The following AFF1 variants were observed in gnomAD, a reference collection of about 807,000 sequenced individuals.
AFF1 encodes the protein AF4/FMR2 family member 1.
AFF1 carries 48 observed loss-of-function variants against 121.7 expected under a neutral mutation model. The ratio of observed to expected loss-of-function variants is 0.39; its 90% confidence interval spans 0.31 to 0.50. AFF1 has a LOEUF of 0.50. AFF1 is among the 20% of genes least tolerant of loss of function. The pLI is 0.76. For synonymous variants in AFF1, 613 were observed against 563.0 expected (o/e 1.09, Z -1.26); for missense variants, 1,523 against 1,511.7 (o/e 1.01, Z -0.12).
intron 8 of AFF1, among the ~76,000 whole-genome samples, chr4:87,099,073 T>C (rs1162710613): frequency 6.6e-6 from 1 of 152,238 alleles, no homozygotes; most frequent in Admixed American, 6.5e-5. Context: ...GCTTTACTTG[T>C]AGCATATTTA....
rs4693157 is a variant in AFF1, at chr4:87,103,192, C to T, written c.1284-2436C>T. Among the ~76,000 whole-genome samples the T allele has an allele frequency of 9.1e-3, 1,384 of 152,154 alleles. 54 individuals are homozygous for T. Among genetic ancestry groups the T allele is most frequent in the Admixed American group, 0.069 (1,059 of 15,284 alleles). On this transcript the variant is annotated intron_variant, in intron 8 of 20. Coordinates refer to ENST00000395146, the MANE Select transcript of AFF1 (RefSeq NM_001166693.3). ...ACTTTAGAAAAAAATTTTTTTCTTG[C>T]TGCCATTTTCTCCTCCAATAATAGC...
At chr4:87,123,513 C>T (rs967543402) in intron 12 of AFF1, among the ~76,000 whole-genome samples, 2 of 152,032 alleles carry the variant, frequency 1.3e-5, no homozygotes, top group African/African-American at 4.8e-5. Flanking sequence ...GTGCACATGC[C>T]GCAAGATTAA....
chr4:87,028,773 G>T (rs1403750610), intron 2 of AFF1, among the ~76,000 whole-genome samples: 2 of 152,188 alleles, frequency 1.3e-5, no homozygotes, highest in Non-Finnish European at 2.9e-5. Flanking sequence ...GCATGTGACA[G>T]AATATAACTA....
intron 4 of AFF1, among the ~76,000 whole-genome samples, chr4:87,069,434 CCT>C (rs1305022954): frequency 6.7e-6 from 1 of 149,218 alleles, no homozygotes; most frequent in Non-Finnish European, 1.5e-5. Context: ...TCCCCTTCTC[CCT>C]CTCTCTCCCT....
intron 4 of AFF1, among the ~76,000 whole-genome samples, chr4:87,060,058 G>A (rs1055689653): frequency 6.6e-6 from 1 of 152,174 alleles, no homozygotes; most frequent in Non-Finnish European, 1.5e-5. Context: ...TTCCTATTCA[G>A]GACACTTGAC....
intron 2 of AFF1, among the ~76,000 whole-genome samples, chr4:86,983,431 C>G (rs1429633311): frequency 6.6e-6 from 1 of 152,046 alleles, no homozygotes; most frequent in Non-Finnish European, 1.5e-5. Flanking sequence ...GAGGCTGAGG[C>G]AGGAGAATCA....
At chr4:87,009,817 TAAAA>T (rs1726550466) in intron 2 of AFF1, among the ~76,000 whole-genome samples, 1 of 152,224 alleles carries the variant, frequency 6.6e-6, no homozygotes, top group South Asian at 2.1e-4. Context: ...ACCTGTGATG[TAAAA>T]TCTCAGGTAG....
chr4:87,089,832 A>G, intron 5 of AFF1, 152 bp from the exon 6 acceptor site: 1 of 607,324 alleles, frequency 1.6e-6, no homozygotes, highest in South Asian at 2.3e-5. Context: ...CCACTGAAAT[A>G]GGAGTTGTTT....
chr4:86,996,068 CTG>C (rs1361288943), intron 2 of AFF1, among the ~76,000 whole-genome samples: 2 of 151,784 alleles, frequency 1.3e-5, no homozygotes, highest in Non-Finnish European at 2.9e-5. Context: ...AGGAGCGTCT[CTG>C]CCCGGCAGCC....
At position 86,970,328 on chromosome 4, in the gene AFF1, A is replaced by G. The variant is rs1722854423; in HGVS notation, c.38+21757A>G. Among the ~76,000 whole-genome samples the G allele has an allele frequency of 2.0e-5, 3 of 152,002 alleles. No individual in the cohort carries two copies. In the South Asian group the frequency reaches 6.2e-4, roughly 32 times the overall value. ...CATGGCAAGGCAAGACCTCGTCTCT[A>G]CAACAACAACAACAAAGATACTAAA... On this transcript the variant is annotated intron_variant, in intron 2 of 20. Coordinates refer to ENST00000395146, the MANE Select transcript of AFF1 (RefSeq NM_001166693.3).
In AFF1 at chr4:87,046,282, A is replaced by G. The variant is rs761316466; in HGVS notation, c.155A>G (p.Tyr52Cys). 3.7e-6 allele frequency: 6 copies of G among 1,612,228 alleles called. No homozygotes were observed. The highest frequency in any genetic ancestry group is 5.1e-6 in the Non-Finnish European group (6 of 1,179,566). Reference sequence around the variant, plus strand: ...AAGATTCCCCTTTTTGGAGAGCCCTACAAGGTATTTACTGAACACTAGACA... The same window carrying G: ...AAGATTCCCCTTTTTGGAGAGCCCTGCAAGGTATTTACTGAACACTAGACA... The part of the protein sequence containing the change: ...PEKIPLFGEP[Y>C]KTAKGDELSS... The change falls in exon 3 of 21, where the codon TAC (tyrosine) becomes TGC (cysteine). Residue 52 changes from tyrosine to cysteine, a missense_variant. By Grantham distance (194) the Tyr-to-Cys change is radical (BLOSUM62 -2). This residue lies in a region of AFF1 where 369 missense variants were observed against 367.2 expected (regional missense o/e 1.00). Transcript: ENST00000395146.
At chr4:87,010,384 A>G (rs1180513905) in intron 2 of AFF1, among the ~76,000 whole-genome samples, 1 of 152,212 alleles carries the variant, frequency 6.6e-6, no homozygotes, top group Admixed American at 6.5e-5. Context: ...AGCGGATTGT[A>G]TGCTGTGTCT....
intron 4 of AFF1, among the ~76,000 whole-genome samples, chr4:87,063,226 C>CCCTTTTTTTTTTTTTTTTTTTTTTT (rs1720960529): frequency 2.0e-5 from 1 of 49,884 alleles, no homozygotes; most frequent in Non-Finnish European, 4.7e-5. Context: ...GTAGATTCAC[C>CCCTTTTTTTTTTTTTTTTTTTTTTT]TCTTTTTTTT....
At chr4:87,060,080 T>A (rs756478208) in intron 4 of AFF1, among the ~76,000 whole-genome samples, 13 of 152,192 alleles carry the variant, frequency 8.5e-5, no homozygotes, top group Admixed American at 3.3e-4. Flanking sequence ...GGGAAATGGG[T>A]GCAGTGTTCA....
intron 2 of AFF1, among the ~76,000 whole-genome samples, chr4:87,029,872 C>G (rs1422857810): frequency 6.6e-6 from 1 of 152,112 alleles, no homozygotes; most frequent in African/African-American, 2.4e-5. Context: ...GGGAAGAGTC[C>G]TGAAGATGTT....
At chr4:87,044,194 A>G (rs180719855) in intron 2 of AFF1, among the ~76,000 whole-genome samples, 9 of 152,326 alleles carry the variant, frequency 5.9e-5, no homozygotes, top group Non-Finnish European at 1.3e-4. Flanking sequence ...ACTCCCATAG[A>G]TTAAAAGGCT....
At chr4:87,036,890 G>T (rs938632875) in intron 2 of AFF1, 13 of 441,234 alleles carry the variant, frequency 2.9e-5, no homozygotes, top group Non-Finnish European at 5.0e-5. Flanking sequence ...TGGAGTGCAG[G>T]GTGTGACCTG....
intron 4 of AFF1, among the ~76,000 whole-genome samples, chr4:87,057,332 A>C (rs1415869303): frequency 6.6e-6 from 1 of 152,228 alleles, no homozygotes; most frequent in African/African-American, 2.4e-5. Flanking sequence ...TTAGATAAAA[A>C]CAAGAATCAT....
At chr4:87,090,751 T>A (rs1724215200) in intron 6 of AFF1, among the ~76,000 whole-genome samples, 1 of 152,174 alleles carries the variant, frequency 6.6e-6, no homozygotes, top group African/African-American at 2.4e-5. Context: ...TGGTGGCTCA[T>A]GCCTGTATTC....
Sources: gnomAD v4.1 joint callset for allele counts (sites outside exome capture counted in the v4.1 genomes callset) on GRCh38, gnomAD v4.1.1 for gene constraint, gnomAD v4.1.1 regional missense constraint, MANE v1.5 for transcripts, NCBI Gene and HGNC (gene_info 2026-07-23, HGNC 2026-07-21) for gene names.